CIMIP6: variants seen among roughly 807,000 people sequenced by gnomAD.
CIMIP6 encodes uncharacterized protein C2orf73.
the CIMIP6 span, among the ~76,000 whole-genome samples, chr2:54,370,129 C>T: frequency 6.6e-6 from 1 of 151,962 alleles, no homozygotes; most frequent in East Asian, 1.9e-4. Flanking sequence ...GTGGCTTGTG[C>T]TTGTAATCTC....
At chr2:54,372,060 T>C in the CIMIP6 span, among the ~76,000 whole-genome samples, 1 of 152,240 alleles carries the variant, frequency 6.6e-6, no homozygotes, top group African/African-American at 2.4e-5. Flanking sequence ...GAACTGTGTA[T>C]GTTTTAGCTA....
chr2:54,359,841 C>T, the CIMIP6 span, among the ~76,000 whole-genome samples: 1 of 152,014 alleles, frequency 6.6e-6, no homozygotes, highest in African/African-American at 2.4e-5. Flanking sequence ...ATTCTTAGGT[C>T]TATGAACTGT....
chr2:54,359,826 C>A, the CIMIP6 span, among the ~76,000 whole-genome samples: 2 of 152,052 alleles, frequency 1.3e-5, no homozygotes, highest in African/African-American at 2.4e-5. Flanking sequence ...GGGATGCAAT[C>A]ATAAATTCTT....
chr2:54,363,846 C>G, the CIMIP6 span, among the ~76,000 whole-genome samples: 1 of 152,144 alleles, frequency 6.6e-6, no homozygotes, highest in Admixed American at 6.5e-5. Context: ...GGAAATAACA[C>G]ATTCTCTGCA....
chr2:54,360,368 T>C, the CIMIP6 span: 7 of 1,610,144 alleles, frequency 4.3e-6, no homozygotes, highest in African/African-American at 8.0e-5. Flanking sequence ...ACCAGGTCTC[T>C]GCCAACAAAA....
At chr2:54,374,363 TA>T in the CIMIP6 span, among the ~76,000 whole-genome samples, 1 of 152,240 alleles carries the variant, frequency 6.6e-6, no homozygotes. Context: ...TCTGAGTAAT[TA>T]AATTTGAGTG....
At chr2:54,374,143 C>T in the CIMIP6 span, among the ~76,000 whole-genome samples, 4 of 152,338 alleles carry the variant, frequency 2.6e-5, no homozygotes, top group Non-Finnish European at 2.9e-5. Context: ...TGCAGCATGC[C>T]TGCCATGTTC....
At chr2:54,374,101 C>T in the CIMIP6 span, among the ~76,000 whole-genome samples, 5 of 152,152 alleles carry the variant, frequency 3.3e-5, no homozygotes, top group African/African-American at 7.2e-5. Flanking sequence ...TCAGCAGTGC[C>T]GTTTCTTACC....
the CIMIP6 span, among the ~76,000 whole-genome samples, chr2:54,349,848 T>C: frequency 6.7e-6 from 1 of 148,332 alleles, no homozygotes; most frequent in Non-Finnish European, 1.5e-5. Flanking sequence ...GAAAAAGAAA[T>C]CTTTTTTTTT....
the CIMIP6 span, among the ~76,000 whole-genome samples, chr2:54,359,518 C>G: frequency 6.6e-6 from 1 of 152,050 alleles, no homozygotes; most frequent in Non-Finnish European, 1.5e-5. Context: ...GTAGTCCCAG[C>G]TACTCTGGAA....
the CIMIP6 span, among the ~76,000 whole-genome samples, chr2:54,371,791 T>C: frequency 6.6e-6 from 1 of 152,176 alleles, no homozygotes; most frequent in Non-Finnish European, 1.5e-5. Flanking sequence ...GGCATGCTCC[T>C]GTTTGGGGAG....
the CIMIP6 span, among the ~76,000 whole-genome samples, chr2:54,337,131 C>G: frequency 6.6e-6 from 1 of 152,328 alleles, no homozygotes; most frequent in African/African-American, 2.4e-5. Context: ...TGTCAGCCTC[C>G]TCCTACTCCA....
the CIMIP6 span, among the ~76,000 whole-genome samples, chr2:54,355,267 C>T: frequency 2.0e-5 from 3 of 152,060 alleles, no homozygotes; most frequent in Admixed American, 1.3e-4. Flanking sequence ...TTCTTTGTCC[C>T]AGATGATGTT....
chr2:54,378,343 C>T, the CIMIP6 span, among the ~76,000 whole-genome samples: 1 of 152,208 alleles, frequency 6.6e-6, no homozygotes, highest in Non-Finnish European at 1.5e-5. Flanking sequence ...TTTGCAGCCT[C>T]CGGAGCTTAT....
At chr2:54,382,101 C>T in the CIMIP6 span, 1 of 1,247,872 alleles carries the variant, frequency 8.0e-7, no homozygotes, top group Non-Finnish European at 1.1e-6. Flanking sequence ...TTACAAAGCA[C>T]AAATTTCCTA....
the CIMIP6 span, among the ~76,000 whole-genome samples, chr2:54,342,509 A>C: frequency 6.6e-6 from 1 of 152,068 alleles, no homozygotes; most frequent in Admixed American, 6.5e-5. Context: ...AGCTGACTCC[A>C]TTAATTATTT....
chr2:54,381,707 G>A, the CIMIP6 span: 1 of 1,226,814 alleles, frequency 8.2e-7, no homozygotes, highest in Non-Finnish European at 1.1e-6. Context: ...TTTCACTCCT[G>A]TGCCATCTGC....
At chr2:54,371,865 G>A in the CIMIP6 span, among the ~76,000 whole-genome samples, 4 of 152,176 alleles carry the variant, frequency 2.6e-5, no homozygotes, top group South Asian at 2.1e-4. Context: ...CCGAAGTCAC[G>A]GCTCTGTCAC....
At chr2:54,349,082 A>C in the CIMIP6 span, among the ~76,000 whole-genome samples, 1 of 152,244 alleles carries the variant, frequency 6.6e-6, no homozygotes, top group Non-Finnish European at 1.5e-5. Context: ...GCTGATTATC[A>C]ACAACTTGAT....
Sources: gnomAD v4.1 joint callset for allele counts (sites outside exome capture counted in the v4.1 genomes callset) on GRCh38, gnomAD v4.1.1 for gene constraint, MANE v1.5 for transcripts, NCBI Gene and HGNC (gene_info 2026-07-23, HGNC 2026-07-21) for gene names.